AMZ1: variants seen among roughly 807,000 people sequenced by gnomAD.
AMZ1 encodes archaemetzincin-1.
Under a neutral mutation model 29.9 loss-of-function variants are expected in AMZ1, and 39 were observed. That is an observed-to-expected ratio of 1.30 (90% confidence interval 1.01 to 1.70). The LOEUF is 1.70. Among genes scored for constraint, AMZ1 ranks in the 40% most tolerant of loss-of-function variants. The pLI is 0.00. For synonymous variants in AMZ1, 458 were observed against 304.0 expected, an observed-to-expected ratio of 1.51 and a Z score of -5.27; for missense variants, 1,041 against 680.6, an observed-to-expected ratio of 1.53 and a Z score of -5.89.
intron 4 of AMZ1, among the ~76,000 whole-genome samples, chr7:2,749,608 A>G (rs936513952): frequency 1.3e-5 from 2 of 152,148 alleles, no homozygotes; most frequent in Admixed American, 6.5e-5. Flanking sequence ...ACATGTATAC[A>G]TATGTAACAA....
intron 1 of AMZ1, among the ~76,000 whole-genome samples, chr7:2,681,926 C>T (rs1441739313): frequency 4.5e-3 from 1 of 220 alleles, no homozygotes; most frequent in Non-Finnish European, 7.5e-3. Flanking sequence ...CCCTCCCAGT[C>T]CCCCAGCCTT....
rs769417441 is a variant in AMZ1, at chr7:2,718,371, C to T, written c.*5493C>T. On this transcript the variant is annotated 3_prime_UTR_variant, in exon 7 of 7. Transcript: ENST00000683327. Reference sequence around the variant, plus strand: ...CGCCCCTTCTCAGCAAAGGCCAACACGTCTTTCTCGAGTCCAAGACCATCT... The same window carrying T: ...CGCCCCTTCTCAGCAAAGGCCAACATGTCTTTCTCGAGTCCAAGACCATCT... Among the ~76,000 whole-genome samples, 2 of 152,204 alleles carry T rather than the reference C, an allele frequency of 1.3e-5. No individual in the cohort carries two copies. Among genetic ancestry groups the T allele is most frequent in the African/African-American group, 2.4e-5 (1 of 41,454 alleles).
rs188582037 is a variant in AMZ1 at position 2,751,323 on chromosome 7, C to T, written n.551-13389C>T. ...GGAGGATCACTTCAACCCAGAAGGC[C>T]GAGGCTGCAGTGAGCCAAGACTGCA... is the stretch of plus-strand genomic sequence containing the variant. On this transcript the variant is annotated intron_variant and non_coding_transcript_variant, in intron 4 of 4. Transcript: ENST00000489665. Among the ~76,000 whole-genome samples the T allele has an allele frequency of 4.3e-3, 645 of 150,086 alleles. 6 individuals are homozygous for T. The highest frequency in any genetic ancestry group is 0.015 in the African/African-American group (613 of 40,768).
intron 4 of AMZ1, among the ~76,000 whole-genome samples, chr7:2,732,479 G>C (rs1350846901): frequency 6.6e-6 from 1 of 152,198 alleles, no homozygotes; most frequent in Non-Finnish European, 1.5e-5. Flanking sequence ...CTAGGAGGTT[G>C]AGGCTACAAT....
intron 1 of AMZ1, among the ~76,000 whole-genome samples, chr7:2,698,617 G>T (rs1051521152): frequency 4.0e-5 from 6 of 150,196 alleles, no homozygotes; most frequent in Non-Finnish European, 8.9e-5. Context: ...AGAGAGGATT[G>T]CTTGAGCCCA....
chr7:2,761,599 A>T (rs147079409), upstream of AMZ1, among the ~76,000 whole-genome samples: 4 of 152,200 alleles, frequency 2.6e-5, no homozygotes, highest in African/African-American at 9.7e-5. Context: ...AACAGTTCTC[A>T]CTTTACACAG....
chr7:2,736,939 C>G (rs1397240763), intron 4 of AMZ1, among the ~76,000 whole-genome samples: 1 of 152,246 alleles, frequency 6.6e-6, no homozygotes, highest in Non-Finnish European at 1.5e-5. Context: ...ACCAGACCCT[C>G]GAGATCAGTA....
At chr7:2,728,995 A>T (rs1186282275) in intron 4 of AMZ1, 4 of 152,372 alleles carry the variant, frequency 2.6e-5, no homozygotes, top group Non-Finnish European at 5.9e-5. Context: ...CCTTCCTCTC[A>T]TGCTTCTGGT....
chr7:2,721,888 G>T (rs1016664535), downstream of AMZ1, among the ~76,000 whole-genome samples: 1 of 152,196 alleles, frequency 6.6e-6, no homozygotes, highest in Non-Finnish European at 1.5e-5. Flanking sequence ...ACTAACCACC[G>T]TGGCTATAAC....
upstream of AMZ1, among the ~76,000 whole-genome samples, chr7:2,687,641 G>A (rs72572805): frequency 0.11 from 17,063 of 152,272 alleles, 1,267 homozygotes; most frequent in East Asian, 0.39. Context: ...GTAGGGCAGG[G>A]CGCCCGTCCT....
intron 1 of AMZ1, among the ~76,000 whole-genome samples, chr7:2,698,229 AC>A (rs1379094902): frequency 1.3e-5 from 2 of 152,122 alleles, no homozygotes; most frequent in African/African-American, 2.4e-5. Flanking sequence ...GTTAAAAAAA[AC>A]AAAACAAAAA....
intron 4 of AMZ1, among the ~76,000 whole-genome samples, chr7:2,752,063 C>T (rs1791067766): frequency 6.6e-6 from 1 of 152,032 alleles, no homozygotes; most frequent in Non-Finnish European, 1.5e-5. Context: ...AATTACAGAC[C>T]AACTCTCCCC....
upstream of AMZ1, chr7:2,763,068 C>G (rs1791644390): frequency 9.6e-6 from 12 of 1,248,280 alleles, no homozygotes; most frequent in South Asian, 4.0e-4. Context: ...CAGACCGGGG[C>G]TCCCTACCAG....
intron 1 of AMZ1, among the ~76,000 whole-genome samples, chr7:2,694,836 C>T (rs1454804339): frequency 6.6e-6 from 1 of 152,048 alleles, no homozygotes; most frequent in Non-Finnish European, 1.5e-5. Context: ...CCACGCCTGG[C>T]TAATTTTTGT....
chr7:2,731,075 G>T lies in AMZ1; in HGVS notation n.550+21259G>T. The T allele has an allele frequency of 2.7e-6, 2 of 727,468 alleles. No individual in the cohort carries two copies. Among genetic ancestry groups the T allele is most frequent in the Non-Finnish European group, 4.6e-6 (2 of 438,696 alleles). 45.1% of individuals were successfully genotyped at this position (727,468 alleles called of 1,614,324 possible). On this transcript the variant is annotated intron_variant and non_coding_transcript_variant, in intron 4 of 4. Transcript: ENST00000489665. This position sits in a 1 kb window ranked among gnomAD's most constrained non-coding sequence, Gnocchi z 6.0. ...TCCTGAGCCAGGTATTCCAGGGCACGGATCCGAGAAACCCACTCAAGGACC... is the reference window on the plus strand; with the variant it reads ...TCCTGAGCCAGGTATTCCAGGGCACTGATCCGAGAAACCCACTCAAGGACC...
rs1187264854 is a variant in AMZ1 at position 2,718,540 on chromosome 7, C to G, written c.*5662C>G. Among the ~76,000 whole-genome samples, 1 of 152,226 alleles carries G rather than the reference C, an allele frequency of 6.6e-6. No individual in the cohort carries two copies. Among genetic ancestry groups the G allele is most frequent in the Non-Finnish European group, 1.5e-5 (1 of 68,044 alleles). The stretch of plus-strand genomic sequence containing the variant: ...GTGGCAGCCGCGGGCGCCCACTCAC[C>G]TGGCACGTGGACGAAGGTGATGAGC... On this transcript the variant is annotated 3_prime_UTR_variant, in exon 7 of 7. Coordinates refer to ENST00000683327, the MANE Select transcript of AMZ1 (RefSeq NM_001384743.1).
At chr7:2,693,050 A>G (rs1417859840) in intron 1 of AMZ1, among the ~76,000 whole-genome samples, 1 of 151,978 alleles carries the variant, frequency 6.6e-6, no homozygotes, top group Non-Finnish European at 1.5e-5. Context: ...CAGGAATGGG[A>G]GTGTGGGCCT....
chr7:2,687,318 C>T (rs1243670212), upstream of AMZ1, among the ~76,000 whole-genome samples: 2 of 150,980 alleles, frequency 1.3e-5, no homozygotes, highest in Non-Finnish European at 2.9e-5. Flanking sequence ...CAGAGCGAGA[C>T]TCCATCTAAA....
intron 4 of AMZ1, among the ~76,000 whole-genome samples, chr7:2,753,978 C>A (rs1044948649): frequency 1.3e-5 from 2 of 152,126 alleles, no homozygotes; most frequent in Non-Finnish European, 1.5e-5. Context: ...GTGCTTTGTT[C>A]ACTTGGATAT....
Sources: gnomAD v4.1 joint callset for allele counts (sites outside exome capture counted in the v4.1 genomes callset) on GRCh38, gnomAD v4.1.1 for gene constraint, Gnocchi (gnomAD v3.1) non-coding constraint, MANE v1.5 for transcripts, NCBI Gene and HGNC (gene_info 2026-07-23, HGNC 2026-07-21) for gene names.